DDX10: variants seen among roughly 807,000 people sequenced by gnomAD.
DDX10 encodes DEAD-box helicase 10, also known as probable ATP-dependent RNA helicase DDX10.
In DDX10, 74 loss-of-function variants were observed where a neutral mutation model predicts 104.3. That is an observed-to-expected ratio of 0.71 (90% confidence interval 0.59 to 0.86). The LOEUF (loss-of-function observed/expected upper bound fraction) is 0.86. DDX10 is among the 40% of genes least tolerant of loss of function. The pLI is 0.00. For synonymous variants in DDX10, 351 were observed against 353.4 expected (o/e 0.99, Z 0.08); for missense variants, 952 against 1,040.0 (o/e 0.92, Z 1.16).
intron 16 of DDX10, among the ~76,000 whole-genome samples, chr11:108,912,053 T>C (rs1863687907): frequency 6.6e-6 from 1 of 152,190 alleles, no homozygotes; most frequent in Non-Finnish European, 1.5e-5. Context: ...CACTTTGGGC[T>C]GCGGTAACAA....
At chr11:108,812,984 A>AAAAAAAAAAAAAAAAC (rs2134569832) in intron 13 of DDX10, among the ~76,000 whole-genome samples, 1 of 150,504 alleles carries the variant, frequency 6.6e-6, no homozygotes, top group African/African-American at 2.4e-5. Context: ...CATCTTAAAA[A>AAAAAAAAAAAAAAAAC]AAAAAAAAAG....
At chr11:108,850,599 T>TA (rs1369691109) in intron 15 of DDX10, among the ~76,000 whole-genome samples, 2 of 152,242 alleles carry the variant, frequency 1.3e-5, no homozygotes, top group African/African-American at 4.8e-5. Flanking sequence ...AGTAATGTTG[T>TA]AAAATGCTGT....
chr11:108,852,574 A>T (rs969186791), intron 16 of DDX10, among the ~76,000 whole-genome samples: 1 of 152,244 alleles, frequency 6.6e-6, no homozygotes. Context: ...TATCATCTTC[A>T]GGTAGACAGC....
At chr11:108,839,864 G>A (rs975622847) in intron 14 of DDX10, among the ~76,000 whole-genome samples, 2 of 152,136 alleles carry the variant, frequency 1.3e-5, no homozygotes, top group Non-Finnish European at 2.9e-5. Context: ...AATGAGATGA[G>A]TGCTGTTGGT....
At chr11:108,728,376 G>A (rs1488910523) in intron 13 of DDX10, among the ~76,000 whole-genome samples, 1 of 151,740 alleles carries the variant, frequency 6.6e-6, no homozygotes, top group African/African-American at 2.4e-5. Context: ...ATTATAAAAT[G>A]CTTATTTTTG....
intron 17 of DDX10, among the ~76,000 whole-genome samples, chr11:108,925,018 A>T (rs1490297893): frequency 6.6e-6 from 1 of 152,152 alleles, no homozygotes; most frequent in African/African-American, 2.4e-5. Context: ...TACTCTTTTC[A>T]GCTTCAGGAG....
chr11:108,768,154 C>G (rs1036492058), intron 13 of DDX10, among the ~76,000 whole-genome samples: 1 of 152,068 alleles, frequency 6.6e-6, no homozygotes, highest in African/African-American at 2.4e-5. Context: ...CAACAGTAGG[C>G]TATTAGTGGT....
chr11:108,725,472 C>T (rs1262961517), intron 13 of DDX10, among the ~76,000 whole-genome samples: 1 of 152,206 alleles, frequency 6.6e-6, no homozygotes, highest in Non-Finnish European at 1.5e-5. Context: ...ATCGTGTCAG[C>T]ACATGGTATT....
At chr11:108,713,731 T>A (rs1045529175) in intron 10 of DDX10, among the ~76,000 whole-genome samples, 1 of 152,220 alleles carries the variant, frequency 6.6e-6, no homozygotes, top group Non-Finnish European at 1.5e-5. Context: ...ATAGATACGA[T>A]GTACCAGGTA....
intron 13 of DDX10, among the ~76,000 whole-genome samples, chr11:108,791,152 T>A (rs1434714738): frequency 6.6e-6 from 1 of 152,256 alleles, no homozygotes; most frequent in Non-Finnish European, 1.5e-5. Flanking sequence ...TGCCTGTACA[T>A]CTTGGCATGC....
intron 15 of DDX10, among the ~76,000 whole-genome samples, chr11:108,847,299 A>G (rs146297996): frequency 3.9e-4 from 59 of 152,314 alleles, no homozygotes; most frequent in Admixed American, 9.8e-4. Context: ...TTTTACTTCA[A>G]TGGAGTGAAA....
At chr11:108,812,876 G>C (rs1291803509) in intron 13 of DDX10, among the ~76,000 whole-genome samples, 1 of 150,822 alleles carries the variant, frequency 6.6e-6, no homozygotes, top group East Asian at 2.0e-4. Flanking sequence ...CAGCTACTCA[G>C]GAGGCTGAGG....
intron 13 of DDX10, among the ~76,000 whole-genome samples, chr11:108,779,588 C>T (rs748243405): frequency 9.2e-5 from 14 of 151,904 alleles, no homozygotes; most frequent in Non-Finnish European, 2.1e-4. Context: ...AATGTAAATG[C>T]AGCACACCAA....
chr11:108,913,630 C>T (rs897532558), intron 16 of DDX10, among the ~76,000 whole-genome samples: 16 of 152,070 alleles, frequency 1.1e-4, no homozygotes, highest in Admixed American at 9.8e-4. Context: ...GCTTGACTTC[C>T]CTTTGGCTTA....
At chr11:108,884,197 C>T (rs918866823) in intron 16 of DDX10, among the ~76,000 whole-genome samples, 2 of 152,124 alleles carry the variant, frequency 1.3e-5, no homozygotes, top group African/African-American at 4.8e-5. Flanking sequence ...TTTTTATTTA[C>T]ATATCTTCAT....
At position 108,678,391 on chromosome 11, in the gene DDX10, T is replaced by A; in HGVS notation, c.614T>A (p.Met205Lys). 1 of 1,613,104 alleles carries A rather than the reference T, an allele frequency of 6.2e-7. No homozygotes were observed. The highest frequency in any genetic ancestry group is 8.5e-7 in the Non-Finnish European group (1 of 1,179,608). Reference sequence around the variant, plus strand: ...ACACCAGGTCGGCTTCTTCAACACATGGATGAAACAGTATCTTTTCATGCT... The same window carrying A: ...ACACCAGGTCGGCTTCTTCAACACAAGGATGAAACAGTATCTTTTCATGCT... ...VCTPGRLLQH[M>K]DETVSFHATD... The change falls in exon 5 of 18, where the codon ATG becomes AAG. Residue 205 changes from methionine (M) to lysine (K), a missense_variant. Met to Lys is a moderately conservative substitution (Grantham distance 95). Transcript: ENST00000322536.
At chr11:108,730,778 T>G (rs1309785591) in intron 13 of DDX10, among the ~76,000 whole-genome samples, 1 of 152,090 alleles carries the variant, frequency 6.6e-6, no homozygotes, top group African/African-American at 2.4e-5. Context: ...GTTGTAAAAT[T>G]CGGTTTACTA....
intron 13 of DDX10, among the ~76,000 whole-genome samples, chr11:108,804,841 G>A (rs948137157): frequency 5.8e-4 from 89 of 152,210 alleles, no homozygotes; most frequent in African/African-American, 2.1e-3. Context: ...TTATGTTGAA[G>A]CCCTAATCTT....
chr11:108,856,280 A>G (rs191602295), intron 16 of DDX10, among the ~76,000 whole-genome samples: 1 of 152,190 alleles, frequency 6.6e-6, no homozygotes, highest in Admixed American at 6.5e-5. Context: ...AAATACAGAA[A>G]TTAGCCAGGC....
Sources: gnomAD v4.1 joint callset for allele counts (sites outside exome capture counted in the v4.1 genomes callset) on GRCh38, gnomAD v4.1.1 for gene constraint, MANE v1.5 for transcripts, NCBI Gene and HGNC (gene_info 2026-07-23, HGNC 2026-07-21) for gene names.